Variants in JAKMIP1 observed in about 807,000 individuals in gnomAD.
The protein encoded by JAKMIP1 is janus kinase and microtubule interacting protein 1, also known as janus kinase and microtubule-interacting protein 1.
A neutral mutation model predicts 113.0 loss-of-function variants in JAKMIP1; 33 were observed. The ratio of observed to expected loss-of-function variants is 0.29; its 90% confidence interval spans 0.22 to 0.39. The LOEUF (loss-of-function observed/expected upper bound fraction) is 0.39. Among genes scored for constraint, JAKMIP1 ranks in the 10% least tolerant of loss-of-function variants. JAKMIP1 has a pLI of 1.00. For missense variants in JAKMIP1, 813 were observed against 1,080.5 expected (o/e 0.75, Z 3.47); for synonymous variants, 480 against 459.9 (o/e 1.04, Z -0.56).
At position 6,138,260 on chromosome 4, in the gene JAKMIP1, T is replaced by C. The variant is rs1018377718; in HGVS notation, c.-147-25263A>G. On this transcript the variant is annotated intron_variant, in intron 1 of 20. Coordinates refer to ENST00000409021, the MANE Select transcript of JAKMIP1 (RefSeq NM_001099433.2). This position sits in a 1 kb window ranked among gnomAD's most constrained non-coding sequence, Gnocchi z 6.0. The stretch of plus-strand genomic sequence containing the variant: ...AATTTTTATTTATTTTTATTTTTAT[T>C]TTTTTGAGACAGAGTCTCACTCTGT... Among the ~76,000 whole-genome samples, 1 of 152,150 alleles carries C rather than the reference T, an allele frequency of 6.6e-6. No homozygotes were observed. The highest frequency in any genetic ancestry group is 2.4e-5 in the African/African-American group (1 of 41,428).
chr4:6,087,668 T>C (rs1721489416), intron 3 of JAKMIP1, among the ~76,000 whole-genome samples: 1 of 152,184 alleles, frequency 6.6e-6, no homozygotes, highest in African/African-American at 2.4e-5. Context: ...CTAATTGACA[T>C]AGAGTTCAGG....
chr4:6,123,204 G>A (rs570136139), intron 1 of JAKMIP1, among the ~76,000 whole-genome samples: 2 of 152,220 alleles, frequency 1.3e-5, no homozygotes, highest in South Asian at 2.1e-4. Context: ...TGTTGCCACT[G>A]GCAAAGGAGG....
intron 3 of JAKMIP1, among the ~76,000 whole-genome samples, chr4:6,095,468 T>C (rs1280153111): frequency 6.6e-6 from 1 of 152,208 alleles, no homozygotes; most frequent in African/African-American, 2.4e-5. Flanking sequence ...CCTGCCAACC[T>C]GTCACCTGCT....
In JAKMIP1 at chr4:6,085,426, G is replaced by A. The variant is rs145998748; in HGVS notation, c.828C>T (p.Gly276=). ...ACAAGCTGCTGCCCCTCACCTGGAC[G>A]CCCATGAGCTCCACCATGTCCCCGA... is the stretch of plus-strand genomic sequence containing the variant. ...PGIGDMVELM[G]VQDQHMDERD... The change falls in exon 4 of 21, where the codon GGC becomes GGT. Residue 276 remains glycine, a synonymous_variant. Transcript: ENST00000409021. 9.3e-5 allele frequency: 150 copies of A among 1,612,550 alleles called. 1 individual carries two copies. The African/African-American group carries it at 1.4e-3, about 15-fold the overall frequency.
At position 6,067,643 on chromosome 4, in the gene JAKMIP1, GCA is replaced by G. The variant is rs58695938; in HGVS notation, c.1303-2637_1303-2636del. 1.4e-4 allele frequency among the ~76,000 whole-genome samples: 17 copies of G among 117,346 alleles called. No individual in the cohort carries two copies. The highest frequency in any genetic ancestry group is 2.7e-4 in the Non-Finnish European group (14 of 52,368). 77.0% of individuals were successfully genotyped at this position (117,346 alleles called of 152,430 possible). A position where few individuals can be genotyped will look rare whatever the true frequency, so the allele number is the denominator to read the frequency against. ...GCTCCAGGTTCACTCAAGCTCTTCT[GCA>G]CACACACACACAGGTCACCCCCTGA... On this transcript the variant is annotated intron_variant, in intron 8 of 20. Coordinates refer to ENST00000409021, the MANE Select transcript of JAKMIP1 (RefSeq NM_001099433.2). This position sits in a 1 kb window ranked among gnomAD's most constrained non-coding sequence, Gnocchi z 4.6.
chr4:6,080,178 G>A lies in JAKMIP1; in HGVS notation c.1236C>T (p.Leu412=). Residue 412 remains leucine, a synonymous_variant, in exon 7 of 21, where the codon CTC becomes CTT. Coordinates refer to ENST00000409021, the MANE Select transcript of JAKMIP1 (RefSeq NM_001099433.2). This position sits in a 1 kb window ranked among gnomAD's most constrained non-coding sequence, Gnocchi z 6.0. ...CCAGCTGTGCTAGATGTACCAGTGA[G>A]AGGTCGTCAATGACGTGCTGCTGCT... ...VLEQQHVIDD[L]SLERERLLRS... is the part of the protein sequence containing the mutation. 1 of 1,607,436 alleles carries A rather than the reference G, an allele frequency of 6.2e-7. No homozygotes were observed. The highest frequency in any genetic ancestry group is 8.5e-7 in the Non-Finnish European group (1 of 1,176,992).
In JAKMIP1 at chr4:6,181,698, A is replaced by C. The variant is rs1027246582; in HGVS notation, c.-148+18555T>G. Among the ~76,000 whole-genome samples the C allele has an allele frequency of 6.6e-6, 1 of 152,186 alleles. No individual in the cohort carries two copies. The highest frequency in any genetic ancestry group is 1.5e-5 in the Non-Finnish European group (1 of 68,014). ...CAGAGAGGGAGAGCAGCAGCAACGC[A>C]AGCTCCATTCATTCATTCATTCATT... On this transcript the variant is annotated intron_variant, in intron 1 of 20. Coordinates refer to ENST00000409021, the MANE Select transcript of JAKMIP1 (RefSeq NM_001099433.2). This position sits in a 1 kb window ranked among gnomAD's most constrained non-coding sequence, Gnocchi z 5.4.
At chr4:6,098,182 G>A (rs1164077937) in intron 3 of JAKMIP1, among the ~76,000 whole-genome samples, 3 of 152,224 alleles carry the variant, frequency 2.0e-5, no homozygotes, top group Non-Finnish European at 4.4e-5. Context: ...TGTAATCCCA[G>A]CACTTCGGGA....
At position 6,129,630 on chromosome 4, in the gene JAKMIP1, C is replaced by T. The variant is rs1415592642; in HGVS notation, c.-147-16633G>A. Among the ~76,000 whole-genome samples the T allele has an allele frequency of 4.6e-5, 7 of 151,986 alleles. No individual in the cohort carries two copies. On this transcript the variant is annotated intron_variant, in intron 1 of 20. Coordinates refer to ENST00000409021, the MANE Select transcript of JAKMIP1 (RefSeq NM_001099433.2). The surrounding 1 kb of genome is among the most constrained non-coding windows in gnomAD (Gnocchi z 5.4). ...CCATTCCTGCTGAAAGTTCCTTTGTCCAGACCCCCACTCAGCTGCCGTTCT... is the reference window on the plus strand; with the variant it reads ...CCATTCCTGCTGAAAGTTCCTTTGTTCAGACCCCCACTCAGCTGCCGTTCT...
chr4:6,067,947 G>A lies in JAKMIP1; in HGVS notation c.1303-2939C>T, dbSNP rs138848901. Among the ~76,000 whole-genome samples, 43 of 152,244 alleles carry A rather than the reference G, an allele frequency of 2.8e-4. No individual in the cohort carries two copies. The highest frequency in any genetic ancestry group is 9.1e-4 in the African/African-American group (38 of 41,558). ...TGCTAACTGCAAGGCCTTTGGGGACGAGTCTGTTTGTTGCTGTAGCCCAGG... is the reference window on the plus strand; with the variant it reads ...TGCTAACTGCAAGGCCTTTGGGGACAAGTCTGTTTGTTGCTGTAGCCCAGG... On this transcript the variant is annotated intron_variant, in intron 8 of 20. Transcript: ENST00000409021. The surrounding 1 kb of genome is among the most constrained non-coding windows in gnomAD (Gnocchi z 4.6).
At position 6,044,941 on chromosome 4, in the gene JAKMIP1, G is replaced by A. The variant is rs780434188; in HGVS notation, c.2029-2714C>T. On this transcript the variant is annotated intron_variant, in intron 16 of 20. Coordinates refer to ENST00000409021, the MANE Select transcript of JAKMIP1 (RefSeq NM_001099433.2). The surrounding 1 kb of genome is among the most constrained non-coding windows in gnomAD (Gnocchi z 4.4). ...ACCCCAGGAGAGGGGGTCTCAGGCT[G>A]GGGAGGAGAAGTGAGTCCACTCACA... is the stretch of plus-strand genomic sequence containing the variant. Among the ~76,000 whole-genome samples the A allele has an allele frequency of 2.0e-5, 3 of 152,250 alleles. No homozygotes were observed. Among genetic ancestry groups the A allele is most frequent in the Non-Finnish European group, 4.4e-5 (3 of 68,040 alleles).
rs1008350294 is a variant in JAKMIP1 at position 6,179,207 on chromosome 4, G to C, written c.-148+21046C>G. On this transcript the variant is annotated intron_variant, in intron 1 of 20. Coordinates refer to ENST00000409021, the MANE Select transcript of JAKMIP1 (RefSeq NM_001099433.2). The surrounding 1 kb of genome is among the most constrained non-coding windows in gnomAD (Gnocchi z 4.5). ...GAAACCACCTGGGCAGCCCTATGTGGCTGGAGAGAGGGTGAGATTCTCATC... is the reference window on the plus strand; with the variant it reads ...GAAACCACCTGGGCAGCCCTATGTGCCTGGAGAGAGGGTGAGATTCTCATC... 6.6e-6 allele frequency among the ~76,000 whole-genome samples: 1 copy of C among 152,174 alleles called. No homozygotes were observed. Among genetic ancestry groups the C allele is most frequent in the Non-Finnish European group, 1.5e-5 (1 of 68,032 alleles).
chr4:6,182,478 A>T (rs1726158169), intron 1 of JAKMIP1, among the ~76,000 whole-genome samples: 1 of 152,002 alleles, frequency 6.6e-6, no homozygotes, highest in Admixed American at 6.6e-5. Context: ...GACACAAGAG[A>T]GCTTATTTCC....
In JAKMIP1 at chr4:6,105,489, C is replaced by G; in HGVS notation, c.608G>C (p.Arg203Pro). ...GGCACGTACCAGCCTGCGGATGTCG[C>G]GCTCGCACTCGCGCTTGATGCGGTG... ...EVHRIKRECE[R>P]DIRRLMDEIK... is the part of the protein sequence containing the mutation. Residue 203 changes from arginine (R) to proline (P), a missense_variant, in exon 3 of 21, where the codon CGC becomes CCC. By Grantham distance (103) the Arg-to-Pro change is moderately radical. This residue lies in a region of JAKMIP1 where 540 missense variants were observed against 653.9 expected (regional missense o/e 0.83). Coordinates refer to ENST00000409021, the MANE Select transcript of JAKMIP1 (RefSeq NM_001099433.2). The G allele has an allele frequency of 6.2e-7, 1 of 1,602,900 alleles. No individual in the cohort carries two copies. Among genetic ancestry groups the G allele is most frequent in the Non-Finnish European group, 8.5e-7 (1 of 1,175,170 alleles).
chr4:6,170,365 C>CA (rs1407658855), intron 1 of JAKMIP1, among the ~76,000 whole-genome samples: 3 of 149,230 alleles, frequency 2.0e-5, no homozygotes, highest in Non-Finnish European at 3.0e-5. Flanking sequence ...CCACCACCAC[C>CA]TCTATCACCA....
chr4:6,105,353 G>A, intron 3 of JAKMIP1, 120 bp downstream of exon 3: 1 of 1,061,984 alleles, frequency 9.4e-7, no homozygotes, highest in Non-Finnish European at 1.3e-6. Context: ...GAGGTTGCTG[G>A]GGCCCCAGTG....
At chr4:6,190,262 C>A (rs948764513) in intron 1 of JAKMIP1, among the ~76,000 whole-genome samples, 1 of 152,148 alleles carries the variant, frequency 6.6e-6, no homozygotes, top group African/African-American at 2.4e-5. Flanking sequence ...GCATATAGAT[C>A]ATAAGATGGT....
rs1722297027 is a variant in JAKMIP1, at chr4:6,156,874, A to G, written c.-148+43379T>C. On this transcript the variant is annotated intron_variant, in intron 1 of 20. Coordinates refer to ENST00000409021, the MANE Select transcript of JAKMIP1 (RefSeq NM_001099433.2). The surrounding 1 kb of genome is among the most constrained non-coding windows in gnomAD (Gnocchi z 5.0). ...CACGTTACAATTGTTCAGTAGACCC[A>G]CACCCCATTGGCCAACAGCCACAGC... 6.6e-6 allele frequency among the ~76,000 whole-genome samples: 1 copy of G among 152,190 alleles called. No homozygotes were observed. The highest frequency in any genetic ancestry group is 2.1e-4 in the South Asian group (1 of 4,834).
chr4:6,107,245 T>C (rs887582941), intron 2 of JAKMIP1, among the ~76,000 whole-genome samples: 6 of 152,202 alleles, frequency 3.9e-5, no homozygotes, highest in African/African-American at 1.4e-4. Flanking sequence ...GTTTTGACTG[T>C]TCTCCCTCCT....
Sources: gnomAD v4.1 joint callset for allele counts (sites outside exome capture counted in the v4.1 genomes callset) on GRCh38, gnomAD v4.1.1 for gene constraint, gnomAD v4.1.1 regional missense constraint, Gnocchi (gnomAD v3.1) non-coding constraint, MANE v1.5 for transcripts, NCBI Gene and HGNC (gene_info 2026-07-23, HGNC 2026-07-21) for gene names.